The following RFX4 variants were observed in gnomAD, a reference collection of about 807,000 sequenced individuals.
RFX4 encodes the protein regulatory factor X4, also known as transcription factor RFX4.
A neutral mutation model predicts 95.0 loss-of-function variants in RFX4; 10 were observed. The ratio of observed to expected loss-of-function variants is 0.11; its 90% CI spans 0.06 to 0.18. The LOEUF (loss-of-function observed/expected upper bound fraction) is 0.18. RFX4 is among the 10% of genes least tolerant of loss of function. The pLI is 1.00. For missense variants in RFX4, 640 were observed against 922.0 expected (o/e 0.69, Z 3.96); for synonymous variants, 321 against 340.7 (o/e 0.94, Z 0.64).
rs144026710 is a variant in RFX4, at chr12:106,604,310, C to T, written c.44-4487C>T. 1.3e-3 allele frequency among the ~76,000 whole-genome samples: 204 copies of T among 151,620 alleles called. 6 individuals are homozygous for T. In the East Asian group the frequency reaches 0.033, roughly 25 times the overall value. On this transcript the variant is annotated intron_variant, in intron 1 of 17. Coordinates refer to ENST00000392842, the MANE Select transcript of RFX4 (RefSeq NM_213594.3). ...CTAATTTTTGTATTTTTAGTAGAGA[C>T]GGGGTTTCGCCATGTTGGCCAGGCT...
At chr12:106,605,288 T>G (rs1470925354) in intron 1 of RFX4, among the ~76,000 whole-genome samples, 1 of 152,194 alleles carries the variant, frequency 6.6e-6, no homozygotes, top group African/African-American at 2.4e-5. Flanking sequence ...CAAAATCCAT[T>G]GTTAAGAATA....
At chr12:106,650,307 T>C (rs1030884988) in intron 3 of RFX4, among the ~76,000 whole-genome samples, 2 of 152,228 alleles carry the variant, frequency 1.3e-5, no homozygotes, top group Non-Finnish European at 2.9e-5. Flanking sequence ...GGGATACTTT[T>C]ATCTTCCCCA....
chr12:106,653,560 A>G (rs1253806796), intron 3 of RFX4, among the ~76,000 whole-genome samples: 1 of 152,190 alleles, frequency 6.6e-6, no homozygotes, highest in African/African-American at 2.4e-5. Context: ...GTTGTAGAAA[A>G]TCTCTCCTAC....
At chr12:106,643,163 G>T (rs1015759693) in intron 3 of RFX4, among the ~76,000 whole-genome samples, 4 of 152,204 alleles carry the variant, frequency 2.6e-5, no homozygotes, top group Non-Finnish European at 5.9e-5. Flanking sequence ...GGGAGAGGCG[G>T]TTGCCTTCAT....
At chr12:106,713,139 G>C (rs1348016104) in intron 10 of RFX4, among the ~76,000 whole-genome samples, 1 of 152,190 alleles carries the variant, frequency 6.6e-6, no homozygotes, top group Non-Finnish European at 1.5e-5. Context: ...GGTTAAGGCT[G>C]GGAATGAAAC....
chr12:106,752,056 T>A lies in RFX4; in HGVS notation c.1935+1263T>A, dbSNP rs1200193759. Among the ~76,000 whole-genome samples, 3 of 149,212 alleles carry A rather than the reference T, an allele frequency of 2.0e-5. No homozygotes were observed. The South Asian group carries it at 6.5e-4, about 32-fold the overall frequency. ...GTAATGCCTAGGTTTTCTTCTAGGG[T>A]TTTTATGGTTTTAGGTCTAACGTTT... On this transcript the variant is annotated intron_variant, in intron 17 of 17. Transcript: ENST00000392842.
chr12:106,710,512 T>C (rs532646089), intron 9 of RFX4, among the ~76,000 whole-genome samples: 2 of 152,284 alleles, frequency 1.3e-5, no homozygotes, highest in South Asian at 4.1e-4. Flanking sequence ...ATTTTTCAAA[T>C]CAAGCCAGCT....
intron 17 of RFX4, among the ~76,000 whole-genome samples, chr12:106,759,115 G>A (rs765069493): frequency 3.4e-4 from 52 of 152,226 alleles, no homozygotes; most frequent in Non-Finnish European, 4.7e-4. Context: ...GTAAGGCCCC[G>A]GCCCGAGAGG....
chr12:106,709,508 T>A, intron 9 of RFX4, 78 bp downstream of exon 9: 2 of 1,057,024 alleles, frequency 1.9e-6, no homozygotes, highest in Non-Finnish European at 2.8e-6. Flanking sequence ...TTGTTAATAG[T>A]AGCAGCAGCT....
chr12:106,613,169 T>C (rs1358746301), intron 2 of RFX4, among the ~76,000 whole-genome samples: 1 of 150,618 alleles, frequency 6.6e-6, no homozygotes, highest in Non-Finnish European at 1.5e-5. Context: ...TCAGTTGAGA[T>C]GGTTATGTAG....
intron 8 of RFX4, among the ~76,000 whole-genome samples, chr12:106,701,037 C>A (rs2041980645): frequency 6.6e-6 from 1 of 152,172 alleles, no homozygotes; most frequent in South Asian, 2.1e-4. Flanking sequence ...CCTCTGCCTG[C>A]AAAATTTTCT....
At chr12:106,607,664 A>T (rs2039866536) in intron 1 of RFX4, among the ~76,000 whole-genome samples, 1 of 152,340 alleles carries the variant, frequency 6.6e-6, no homozygotes, top group East Asian at 1.9e-4. Flanking sequence ...CACTATGCTC[A>T]AATTGTTCCC....
In RFX4 at chr12:106,720,058, G is replaced by A. The variant is rs1321379121; in HGVS notation, c.1233+4G>A. 2 of 1,613,596 alleles carry A rather than the reference G, an allele frequency of 1.2e-6. No homozygotes were observed. The highest frequency in any genetic ancestry group is 2.7e-5 in the African/African-American group (2 of 74,912). Reference sequence around the variant, plus strand: ...GGTTGACCGCTGTGTTGTGAAGGTTGGTAAACCGGCACCTAGCGGGCAGCC... The same window carrying A: ...GGTTGACCGCTGTGTTGTGAAGGTTAGTAAACCGGCACCTAGCGGGCAGCC... On this transcript the variant is annotated splice_donor_region_variant and intron_variant, in intron 12 of 17. Transcript: ENST00000392842. The surrounding 1 kb of genome is among the most constrained non-coding windows in gnomAD (Gnocchi z 4.2).
chr12:106,629,809 G>T (rs1565956471), intron 2 of RFX4, among the ~76,000 whole-genome samples: 1 of 152,070 alleles, frequency 6.6e-6, no homozygotes, highest in Non-Finnish European at 1.5e-5. Context: ...GTAGAGACGG[G>T]GTCTCACTAT....
chr12:106,689,462 T>C, intron 7 of RFX4, 98 bp downstream of exon 7: 2 of 939,004 alleles, frequency 2.1e-6, no homozygotes, highest in Non-Finnish European at 3.5e-6. Flanking sequence ...AGGCCTGGCA[T>C]CTGGAAGCCC....
At chr12:106,645,036 CT>C (rs1163452737) in intron 3 of RFX4, among the ~76,000 whole-genome samples, 1 of 152,082 alleles carries the variant, frequency 6.6e-6, no homozygotes, top group African/African-American at 2.4e-5. Flanking sequence ...CACAAACCCC[CT>C]CCCCCTCCCC....
In RFX4 at chr12:106,692,339, A is replaced by T. The variant is rs538457275; in HGVS notation, c.669+2975A>T. Among the ~76,000 whole-genome samples, 81 of 152,300 alleles carry T rather than the reference A, an allele frequency of 5.3e-4. 1 individual carries two copies. Among genetic ancestry groups the T allele is most frequent in the African/African-American group, 1.8e-3 (75 of 41,568 alleles). On this transcript the variant is annotated intron_variant, in intron 7 of 17. Coordinates refer to ENST00000392842, the MANE Select transcript of RFX4 (RefSeq NM_213594.3). ...CTGAGCCTGGATTTGTTTTGCTACAAGATGAAAATAATAATTATACCTATC... is the reference window on the plus strand; with the variant it reads ...CTGAGCCTGGATTTGTTTTGCTACATGATGAAAATAATAATTATACCTATC...
rs111819959 is a variant in RFX4, at chr12:106,709,545, C to A, written c.934+115C>A. 1,343 of 701,652 alleles carry A rather than the reference C, an allele frequency of 1.9e-3. 14 individuals carry two copies. The African/African-American group carries it at 0.021, about 11-fold the overall frequency. The allele number at this position is 701,652 out of a possible 1,614,324, so 43.5% of individuals were successfully genotyped here. A position where few individuals can be genotyped will look rare whatever the true frequency, so the allele number is the denominator to read the frequency against. ...CTGTTTACTGGTTGACTATAAAGCA[C>A]CAGGTATTATACTAATTACTTTACA... is the stretch of plus-strand genomic sequence containing the variant. On this transcript the variant is annotated intron_variant, in intron 9 of 17. Coordinates refer to ENST00000392842, the MANE Select transcript of RFX4 (RefSeq NM_213594.3).
intron 4 of RFX4, among the ~76,000 whole-genome samples, chr12:106,681,721 AC>A (rs1186789707): frequency 6.6e-6 from 1 of 152,086 alleles, no homozygotes; most frequent in Non-Finnish European, 1.5e-5. Context: ...CAGGTTCTGG[AC>A]CAACCAGAAC....
Sources: allele counts gnomAD v4.1 joint callset (sites outside exome capture counted in the v4.1 genomes callset), GRCh38; gene constraint gnomAD v4.1.1; non-coding constraint Gnocchi (gnomAD v3.1); transcripts MANE v1.5; gene names NCBI Gene and HGNC (gene_info 2026-07-23, HGNC 2026-07-21).